IPO5: variants seen among roughly 807,000 people sequenced by gnomAD.
IPO5 encodes importin-5.
In IPO5, 18 loss-of-function variants were observed where a neutral mutation model predicts 143.3. The observed-to-expected ratio is 0.13, with a 90% CI of 0.09 to 0.19. The LOEUF (loss-of-function observed/expected upper bound fraction) is 0.19, where lower values mean the gene tolerates loss of function less well. Among genes scored for constraint, IPO5 ranks in the 10% least tolerant of loss-of-function variants. The pLI, the probability that IPO5 is intolerant of heterozygous loss-of-function variation, is 1.00. For missense variants in IPO5, 1,013 were observed against 1,336.9 expected, an observed-to-expected ratio of 0.76 and a Z score of 3.78; for synonymous variants, 477 against 465.7, an observed-to-expected ratio of 1.02 and a Z score of -0.31.
Position 97,985,570 on chromosome 13 carries a change from A to G in IPO5, c.321A>G (p.Lys107=), listed in dbSNP as rs1566494634. 1 of 1,614,148 alleles carries G rather than the reference A, an allele frequency of 6.2e-7. No homozygotes were observed. The highest frequency in any genetic ancestry group is 1.7e-5 in the Admixed American group (1 of 60,020). Residue 107 remains lysine, a synonymous_variant, in exon 6 of 29, where the codon AAA becomes AAG. Coordinates refer to ENST00000651721, the MANE Select transcript of IPO5 (RefSeq NM_002271.6). ...IQMETQSSMR[K]KVCDIAAELA... ...TGGAAACACAATCTAGCATGAGGAA[A>G]AAAGTTTGTGATATTGCGGCAGAAC...
rs191710256 is a variant in IPO5 at position 98,021,819 on chromosome 13, G to A, written c.3291G>A (p.Ala1097=). The A allele has an allele frequency of 1.9e-5, 30 of 1,598,346 alleles. 1 individual carries two copies. The Admixed American group carries it at 2.7e-4, about 14-fold the overall frequency. ...CCATTCAGGAGCTCCTGAACTCTGC[G>A]TGAAGGGCCTTAATGTCACCCACCA... ...QAAIQELLNS[A] is the part of the protein sequence containing the mutation. The change falls in exon 29 of 29, where the codon GCG becomes GCA. Residue 1097 remains alanine (A), a synonymous_variant. Coordinates refer to ENST00000651721, the MANE Select transcript of IPO5 (RefSeq NM_002271.6).
In IPO5 at chr13:98,002,854, C is replaced by T. The variant is rs1888921859; in HGVS notation, c.1324-10C>T. On this transcript the variant is annotated splice_polypyrimidine_tract_variant and intron_variant, in intron 15 of 28. Transcript: ENST00000651721. Reference sequence around the variant, plus strand: ...TTCAACATGTGTGCCCATTTGGTTTCATTTCACAGGTGATTGCAGCTCTGC... The same window carrying T: ...TTCAACATGTGTGCCCATTTGGTTTTATTTCACAGGTGATTGCAGCTCTGC... 1.9e-6 allele frequency: 3 copies of T among 1,606,894 alleles called. No homozygotes were observed. Among genetic ancestry groups the T allele is most frequent in the East Asian group, 2.2e-5 (1 of 44,838 alleles).
At chr13:97,986,522 A>AT (rs1323183166) in intron 6 of IPO5, among the ~76,000 whole-genome samples, 3 of 151,536 alleles carry the variant, frequency 2.0e-5, no homozygotes, top group African/African-American at 4.9e-5. Flanking sequence ...CACCCAGCTA[A>AT]TTTTTTTTGT....
intron 2 of IPO5, among the ~76,000 whole-genome samples, chr13:97,954,582 G>A (rs941136081): frequency 3.9e-5 from 6 of 152,162 alleles, no homozygotes; most frequent in African/African-American, 1.4e-4. Context: ...AAGGAAAACA[G>A]AATTCATTTT....
chr13:97,995,610 GC>G (rs1249238804), intron 11 of IPO5, among the ~76,000 whole-genome samples: 1 of 151,920 alleles, frequency 6.6e-6, no homozygotes, highest in African/African-American at 2.4e-5. Flanking sequence ...CAAAAAATTA[GC>G]CGGGCGTGGT....
chr13:97,997,408 CAAAT>C (rs1215384103), intron 11 of IPO5, 119 bp from the exon 12 acceptor site: 2 of 471,502 alleles, frequency 4.2e-6, no homozygotes, highest in Non-Finnish European at 7.5e-6. Flanking sequence ...GGGGCACAGA[CAAAT>C]AATTGTTTTG....
intron 20 of IPO5, 129 bp from the exon 21 acceptor site, chr13:98,012,117 A>G: frequency 1.6e-6 from 1 of 622,524 alleles, no homozygotes; most frequent in Non-Finnish European, 2.9e-6. Context: ...TGACAGTTCT[A>G]CATGCAACTT....
chr13:98,014,787 G>A (rs1408850405), intron 22 of IPO5, among the ~76,000 whole-genome samples: 1 of 151,264 alleles, frequency 6.6e-6, no homozygotes, highest in Non-Finnish European at 1.5e-5. Flanking sequence ...AACTATAGAA[G>A]CTTGGGTATC....
chr13:98,013,432 A>T (rs1889874267), intron 21 of IPO5, among the ~76,000 whole-genome samples: 1 of 152,134 alleles, frequency 6.6e-6, no homozygotes, highest in Non-Finnish European at 1.5e-5. Context: ...ACACAAACCC[A>T]GATCTGTCTG....
chr13:98,021,706 C>G, intron 28 of IPO5, 30 bp from the exon 29 acceptor site: 1 of 1,389,034 alleles, frequency 7.2e-7, no homozygotes, highest in Non-Finnish European at 9.9e-7. Context: ...GCATTTCGTC[C>G]TAAGTCTGTG....
intron 9 of IPO5, among the ~76,000 whole-genome samples, chr13:97,992,674 G>C (rs1172321276): frequency 1.3e-5 from 2 of 152,208 alleles, no homozygotes; most frequent in African/African-American, 4.8e-5. Flanking sequence ...TTTTGACTTA[G>C]ATGTAAATCT....
chr13:97,989,492 A>G (rs1173865013), intron 7 of IPO5, among the ~76,000 whole-genome samples: 2 of 152,206 alleles, frequency 1.3e-5, no homozygotes, highest in African/African-American at 4.8e-5. Flanking sequence ...AGCCACATTA[A>G]TAATGGTGTC....
At chr13:97,965,642 C>G (rs1280318490) in intron 2 of IPO5, among the ~76,000 whole-genome samples, 1 of 151,886 alleles carries the variant, frequency 6.6e-6, no homozygotes, top group Non-Finnish European at 1.5e-5. Context: ...AAACTGTGTT[C>G]TTAATTTCAT....
chr13:98,002,855 A>G lies in IPO5; in HGVS notation c.1324-9A>G, dbSNP rs1888922083. The G allele has an allele frequency of 1.2e-6, 2 of 1,607,122 alleles. No homozygotes were observed. The highest frequency in any genetic ancestry group is 2.7e-5 in the African/African-American group (2 of 74,658). On this transcript the variant is annotated splice_polypyrimidine_tract_variant and intron_variant, in intron 15 of 28. Coordinates refer to ENST00000651721, the MANE Select transcript of IPO5 (RefSeq NM_002271.6). ...TCAACATGTGTGCCCATTTGGTTTCATTTCACAGGTGATTGCAGCTCTGCT... is the reference window on the plus strand; with the variant it reads ...TCAACATGTGTGCCCATTTGGTTTCGTTTCACAGGTGATTGCAGCTCTGCT...
At chr13:97,983,524 T>A (rs1342858497) in intron 5 of IPO5, among the ~76,000 whole-genome samples, 1 of 147,774 alleles carries the variant, frequency 6.8e-6, no homozygotes, top group Non-Finnish European at 1.5e-5. Flanking sequence ...TGAGGCATTT[T>A]GTAGCTAATT....
chr13:98,018,807 C>T, intron 26 of IPO5, 103 bp downstream of exon 26: 1 of 775,448 alleles, frequency 1.3e-6, no homozygotes, highest in Non-Finnish European at 2.1e-6. Flanking sequence ...CCTATTTCTG[C>T]TGTAGTCTGT....
intron 16 of IPO5, 146 bp from the exon 17 acceptor site, chr13:98,005,984 C>A (rs1054369302): frequency 1.6e-6 from 1 of 620,380 alleles, no homozygotes; most frequent in South Asian, 2.0e-5. Flanking sequence ...AAATTTCCTC[C>A]AAAACCTACA....
chr13:97,980,180 T>A (rs1207163648), intron 4 of IPO5, among the ~76,000 whole-genome samples: 1 of 152,234 alleles, frequency 6.6e-6, no homozygotes, highest in Non-Finnish European at 1.5e-5. Flanking sequence ...ATATGCTACG[T>A]ACTTAGATAC....
chr13:98,015,511 C>A lies in IPO5; in HGVS notation c.2326-19C>A. On this transcript the variant is annotated intron_variant, in intron 22 of 28. Transcript: ENST00000651721. ...CACCCCAAATCTTATGGATTGCTTTCTTTCCTCAACCTCATTAGTGCATTG... is the reference window on the plus strand; with the variant it reads ...CACCCCAAATCTTATGGATTGCTTTATTTCCTCAACCTCATTAGTGCATTG... 1 of 1,449,186 alleles carries A rather than the reference C, an allele frequency of 6.9e-7. No individual in the cohort carries two copies. The highest frequency in any genetic ancestry group is 9.6e-7 in the Non-Finnish European group (1 of 1,045,888). 89.8% of individuals were successfully genotyped at this position (1,449,186 alleles called of 1,614,324 possible). A position where few individuals can be genotyped will look rare whatever the true frequency, so the allele number is the denominator to read the frequency against.
Sources: gnomAD v4.1 joint callset for allele counts (sites outside exome capture counted in the v4.1 genomes callset) on GRCh38, gnomAD v4.1.1 for gene constraint, MANE v1.5 for transcripts, NCBI Gene and HGNC (gene_info 2026-07-23, HGNC 2026-07-21) for gene names.